Variants in GLCE observed in about 807,000 individuals in gnomAD.
GLCE encodes glucuronic acid epimerase, also known as D-glucuronyl C5-epimerase.
GLCE carries 19 observed loss-of-function variants against 47.9 expected under a neutral mutation model. The ratio of observed to expected loss-of-function variants is 0.40; its 90% CI spans 0.28 to 0.58. The LOEUF (loss-of-function observed/expected upper bound fraction) is 0.58, where lower values mean the gene tolerates loss of function less well. Ranked by LOEUF, GLCE falls within the 20% of genes least tolerant of loss-of-function variation. GLCE has a pLI of 0.48. For synonymous variants in GLCE, 245 were observed against 263.4 expected (o/e 0.93, Z 0.68); for missense variants, 556 against 743.3 (o/e 0.75, Z 2.93).
At position 69,260,961 on chromosome 15, in the gene GLCE, T is replaced by C. The variant is rs181531190; in HGVS notation, c.587-126T>C. 473 of 850,440 alleles carry C rather than the reference T, an allele frequency of 5.6e-4. 3 individuals carry two copies. In the African/African-American group the frequency reaches 5.9e-3, roughly 11 times the overall value. 52.7% of individuals were successfully genotyped at this position (850,440 alleles called of 1,614,324 possible). A position where few individuals can be genotyped will look rare whatever the true frequency, so the allele number is the denominator to read the frequency against. On this transcript the variant is annotated intron_variant, in intron 3 of 4. Coordinates refer to ENST00000261858, the MANE Select transcript of GLCE (RefSeq NM_015554.3). ...TCTGGTCATTATGAGAGCAGTATTA[T>C]AAGGAAGCCCACAACTTCCTGATAA... is the stretch of plus-strand genomic sequence containing the variant.
chr15:69,253,252 T>C (rs2052873975), intron 2 of GLCE, among the ~76,000 whole-genome samples: 1 of 152,238 alleles, frequency 6.6e-6, no homozygotes, highest in Admixed American at 6.5e-5. Context: ...CTAAAGTGTG[T>C]GCTGTGTTCG....
intron 2 of GLCE, among the ~76,000 whole-genome samples, chr15:69,226,016 C>T (rs1296842312): frequency 6.6e-6 from 1 of 151,144 alleles, no homozygotes; most frequent in Non-Finnish European, 1.5e-5. Context: ...CCTCCCTCCT[C>T]TAAACACATA....
In GLCE at chr15:69,218,170, A is replaced by G. The variant is rs2052332830; in HGVS notation, c.-14+7764A>G. ...GTCTCAAAAAAAAAAAAAAAAAAAA[A>G]GGAAATTCACACTTTTATCAACTAT... On this transcript the variant is annotated intron_variant, in intron 2 of 4. Transcript: ENST00000261858. Among the ~76,000 whole-genome samples, 3 of 150,086 alleles carry G rather than the reference A, an allele frequency of 2.0e-5. No homozygotes were observed. The South Asian group carries it at 6.3e-4, about 31-fold the overall frequency.
intron 1 of GLCE, among the ~76,000 whole-genome samples, chr15:69,191,875 T>C (rs1231583005): frequency 6.6e-6 from 1 of 152,176 alleles, no homozygotes; most frequent in African/African-American, 2.4e-5. Flanking sequence ...CTTGTTTTTT[T>C]CCTTTTCTGT....
chr15:69,226,192 G>C (rs899856539), intron 2 of GLCE, among the ~76,000 whole-genome samples: 5 of 152,106 alleles, frequency 3.3e-5, no homozygotes, highest in Admixed American at 6.5e-5. Context: ...AGTTAGAATT[G>C]AGTATTTGAC....
At chr15:69,189,268 A>G (rs984494778) in intron 1 of GLCE, among the ~76,000 whole-genome samples, 5 of 152,194 alleles carry the variant, frequency 3.3e-5, no homozygotes, top group African/African-American at 1.2e-4. Context: ...TCAAAGTTTC[A>G]TACAGTTGAA....
intron 2 of GLCE, among the ~76,000 whole-genome samples, chr15:69,240,858 T>C (rs574682936): frequency 1.3e-4 from 20 of 152,208 alleles, no homozygotes; most frequent in African/African-American, 4.8e-4. Context: ...ATATATACAA[T>C]TGACATTTTG....
intron 4 of GLCE, among the ~76,000 whole-genome samples, chr15:69,262,083 T>C (rs1182943484): frequency 6.6e-6 from 1 of 152,178 alleles, no homozygotes; most frequent in African/African-American, 2.4e-5. Context: ...AGTCTTGCAG[T>C]TGGTAAATAA....
intron 2 of GLCE, among the ~76,000 whole-genome samples, chr15:69,225,300 C>T (rs540400293): frequency 1.4e-4 from 21 of 152,142 alleles, no homozygotes; most frequent in Admixed American, 4.6e-4. Context: ...GGCATCCTTG[C>T]GTCGGCTGTC....
At chr15:69,261,058 A>G in intron 3 of GLCE, 29 bp from the exon 4 acceptor site, 1 of 1,596,266 alleles carries the variant, frequency 6.3e-7, no homozygotes, top group Non-Finnish European at 8.6e-7. Context: ...TCTGGATATG[A>G]TTATTCATTT....
chr15:69,265,534 A>G (rs1004027512), intron 4 of GLCE, among the ~76,000 whole-genome samples: 2 of 152,236 alleles, frequency 1.3e-5, no homozygotes, highest in Non-Finnish European at 1.5e-5. Context: ...CACTTCTCCT[A>G]GATGACTCAG....
Position 69,268,533 on chromosome 15 carries a change from T to C in GLCE, c.1143T>C (p.Val381=). ...CCAAAATAATGCCCAAGAAGGTGGT[T>C]AGGTTGATTGCAAAAGGTAAGGGAT... is the stretch of plus-strand genomic sequence containing the variant. ...KPTKIMPKKV[V]RLIAKGKGFL... is the part of the protein sequence containing the mutation. Residue 381 remains valine, a synonymous_variant, in exon 5 of 5, where the codon GTT becomes GTC. Coordinates refer to ENST00000261858, the MANE Select transcript of GLCE (RefSeq NM_015554.3). The C allele has an allele frequency of 6.2e-7, 1 of 1,614,124 alleles. No homozygotes were observed. The highest frequency in any genetic ancestry group is 8.5e-7 in the Non-Finnish European group (1 of 1,179,992).
intron 2 of GLCE, among the ~76,000 whole-genome samples, chr15:69,248,934 A>G (rs895519619): frequency 6.6e-6 from 1 of 152,204 alleles, no homozygotes; most frequent in Non-Finnish European, 1.5e-5. Flanking sequence ...AACAGTGGCC[A>G]GGAGAAGCAA....
chr15:69,164,502 CAT>C lies in GLCE; in HGVS notation c.-105+3746_-105+3747del, dbSNP rs559629628. Among the ~76,000 whole-genome samples the C allele has an allele frequency of 1.3e-4, 19 of 149,666 alleles. 1 individual carries two copies. In the South Asian group the frequency reaches 3.3e-3, roughly 26 times the overall value. On this transcript the variant is annotated intron_variant, in intron 1 of 4. Transcript: ENST00000261858. ...TTTGCTTTAATATATACATATATGA[CAT>C]GTGTATGTTGTTATATACATATGCC...
chr15:69,169,013 T>C (rs1239766099), intron 1 of GLCE, among the ~76,000 whole-genome samples: 1 of 152,216 alleles, frequency 6.6e-6, no homozygotes, highest in Non-Finnish European at 1.5e-5. Flanking sequence ...CTCTTAGTCA[T>C]TGCTTAACGA....
intron 2 of GLCE, among the ~76,000 whole-genome samples, chr15:69,236,762 A>G (rs969595413): frequency 1.3e-5 from 2 of 152,370 alleles, no homozygotes; most frequent in Non-Finnish European, 2.9e-5. Context: ...ACCGTGATTC[A>G]GAGAAGTGAA....
chr15:69,175,992 C>T (rs1199114693), intron 1 of GLCE, among the ~76,000 whole-genome samples: 1 of 152,110 alleles, frequency 6.6e-6, no homozygotes, highest in Non-Finnish European at 1.5e-5. Context: ...GCTGGCAAAT[C>T]TTACATTGTA....
At chr15:69,234,383 GAAGA>G (rs1391375167) in intron 2 of GLCE, among the ~76,000 whole-genome samples, 1 of 152,020 alleles carries the variant, frequency 6.6e-6, no homozygotes, top group African/African-American at 2.4e-5. Context: ...TTTGATTTGG[GAAGA>G]AAGACAGAAA....
At chr15:69,232,654 G>C (rs748091818) in intron 2 of GLCE, among the ~76,000 whole-genome samples, 25 of 152,084 alleles carry the variant, frequency 1.6e-4, no homozygotes, top group Non-Finnish European at 3.4e-4. Context: ...TCCTAAACTA[G>C]CTGCGGCTTC....
Sources: allele counts gnomAD v4.1 joint callset (sites outside exome capture counted in the v4.1 genomes callset), GRCh38; gene constraint gnomAD v4.1.1; transcripts MANE v1.5; gene names NCBI Gene and HGNC (gene_info 2026-07-23, HGNC 2026-07-21).